Variants in MED13L observed in about 807,000 individuals in gnomAD.
MED13L encodes the protein mediator complex subunit 13L, also known as mediator of RNA polymerase II transcription subunit 13-like.
MED13L carries 7 observed loss-of-function variants against 220.9 expected under a neutral mutation model. The ratio of observed to expected loss-of-function variants is 0.03; its 90% CI spans 0.02 to 0.06. MED13L has a LOEUF of 0.06. Ranked by LOEUF, MED13L falls within the 10% of genes least tolerant of loss-of-function variation. The pLI is 1.00. For missense variants in MED13L, 1,965 were observed against 2,760.5 expected, an observed-to-expected ratio of 0.71 and a Z score of 6.46; for synonymous variants, 1,011 against 1,015.2, an observed-to-expected ratio of 1.00 and a Z score of 0.08.
rs1413067217 is a variant in MED13L, at chr12:116,008,466, T to C, written c.1947A>G (p.Pro649=). The part of the protein sequence containing the change: ...PPSDDAEFRP[P]ELQGERCDAK... Reference sequence around the variant, plus strand: ...CATCACATCTCTCACCCTGGAGCTCTGGAGGCCTGAACTCAGCATCATCAC... The same window carrying C: ...CATCACATCTCTCACCCTGGAGCTCCGGAGGCCTGAACTCAGCATCATCAC... The change falls in exon 10 of 31, where the codon CCA becomes CCG. Residue 649 remains proline, a synonymous_variant. Coordinates refer to ENST00000281928, the MANE Select transcript of MED13L (RefSeq NM_015335.5). 1 of 1,613,460 alleles carries C rather than the reference T, an allele frequency of 6.2e-7. No individual in the cohort carries two copies. Among genetic ancestry groups the C allele is most frequent in the Admixed American group, 1.7e-5 (1 of 60,010 alleles).
chr12:116,179,206 T>C (rs989155962), intron 2 of MED13L, among the ~76,000 whole-genome samples: 8 of 56,390 alleles, frequency 1.4e-4, no homozygotes, highest in African/African-American at 4.3e-4. Context: ...ACGATTTACG[T>C]GTGTGTGTGT....
rs1879640818 is a variant in MED13L at position 116,015,050 on chromosome 12, G to T, written c.1175+59C>A. On this transcript the variant is annotated intron_variant, in intron 8 of 30. Transcript: ENST00000281928. The stretch of plus-strand genomic sequence containing the variant: ...AGTGCAATGTGATTGACATTTTCCA[G>T]GTAGCAATCAAGGAGATGGTTACTA... 5.3e-6 allele frequency: 8 copies of T among 1,515,456 alleles called. No individual in the cohort carries two copies. The South Asian group carries it at 9.0e-5, about 17-fold the overall frequency. 93.9% of individuals were successfully genotyped at this position (1,515,456 alleles called of 1,614,324 possible).
At chr12:116,205,533 A>AAAAAAAAAAAAAAAAG in intron 2 of MED13L, among the ~76,000 whole-genome samples, 1 of 45,348 alleles carries the variant, frequency 2.2e-5, no homozygotes, top group Admixed American at 1.9e-4. Flanking sequence ...AAAGGAAGAG[A>AAAAAAAAAAAAAAAAG]AAAAAAAAAA....
intron 3 of MED13L, among the ~76,000 whole-genome samples, chr12:116,107,872 A>G (rs1307649432): frequency 6.6e-6 from 1 of 152,162 alleles, no homozygotes; most frequent in East Asian, 1.9e-4. Context: ...CGGGTGGATC[A>G]CGAGGTCAGG....
At chr12:116,001,492 A>G (rs1481920343) in intron 14 of MED13L, among the ~76,000 whole-genome samples, 1 of 152,156 alleles carries the variant, frequency 6.6e-6, no homozygotes, top group Non-Finnish European at 1.5e-5. Flanking sequence ...ATTAACTTTT[A>G]TAATACATTT....
intron 2 of MED13L, among the ~76,000 whole-genome samples, chr12:116,150,878 C>A (rs1324364771): frequency 6.6e-6 from 1 of 152,080 alleles, no homozygotes; most frequent in East Asian, 1.9e-4. Context: ...TAAGTTTCTT[C>A]TTTTGTAAAT....
intron 2 of MED13L, among the ~76,000 whole-genome samples, chr12:116,172,524 A>C (rs544932710): frequency 1.8e-3 from 270 of 152,302 alleles, no homozygotes; most frequent in Non-Finnish European, 2.9e-3. Flanking sequence ...AGTATATTTT[A>C]TACAGTTTAA....
chr12:116,076,376 T>C (rs1434222320), intron 4 of MED13L, among the ~76,000 whole-genome samples: 1 of 151,920 alleles, frequency 6.6e-6, no homozygotes, highest in African/African-American at 2.4e-5. Context: ...ATCTCTACAA[T>C]AAATACACAA....
chr12:116,061,325 T>A (rs1408307151), intron 4 of MED13L, among the ~76,000 whole-genome samples: 1 of 152,192 alleles, frequency 6.6e-6, no homozygotes, highest in Admixed American at 6.5e-5. Flanking sequence ...ACAAATAATA[T>A]GTATCTTTTA....
intron 4 of MED13L, among the ~76,000 whole-genome samples, chr12:116,049,731 G>C (rs1317667396): frequency 6.6e-6 from 1 of 152,136 alleles, no homozygotes; most frequent in African/African-American, 2.4e-5. Flanking sequence ...ATTTAGGAAG[G>C]TGGACAAACT....
At chr12:116,149,235 A>G (rs2138084151) in intron 2 of MED13L, among the ~76,000 whole-genome samples, 1 of 152,272 alleles carries the variant, frequency 6.6e-6, no homozygotes, top group African/African-American at 2.4e-5. Flanking sequence ...TTATGTTTAT[A>G]TTCTAGAACT....
chr12:116,093,638 A>G (rs1257394604), intron 4 of MED13L, among the ~76,000 whole-genome samples: 1 of 152,022 alleles, frequency 6.6e-6, no homozygotes, highest in Non-Finnish European at 1.5e-5. Flanking sequence ...GAAATTAGTA[A>G]TACTAATAAT....
chr12:116,246,633 C>A lies in MED13L; in HGVS notation c.73-8928G>T, dbSNP rs1444359685. Among the ~76,000 whole-genome samples the A allele has an allele frequency of 4.7e-5, 7 of 147,770 alleles. No homozygotes were observed. In the Admixed American group the frequency reaches 4.8e-4, roughly 10 times the overall value. On this transcript the variant is annotated intron_variant, in intron 1 of 30. Transcript: ENST00000281928. ...GACCAGCCTGGGCAAGACAGCAAGA[C>A]CTTGTCTCTATATACAGACTGACAG...
At chr12:116,248,579 A>G (rs961762703) in intron 1 of MED13L, among the ~76,000 whole-genome samples, 3 of 152,240 alleles carry the variant, frequency 2.0e-5, no homozygotes, top group African/African-American at 7.2e-5. Context: ...ATTTCAGTCA[A>G]CTAACTCAAG....
intron 4 of MED13L, among the ~76,000 whole-genome samples, chr12:116,044,396 C>T (rs943362193): frequency 5.3e-5 from 8 of 152,132 alleles, no homozygotes; most frequent in African/African-American, 9.7e-5. Context: ...CGAAAGAAAG[C>T]GCAAGTGAAT....
intron 4 of MED13L, among the ~76,000 whole-genome samples, chr12:116,032,239 C>T (rs1228980985): frequency 6.6e-6 from 1 of 151,980 alleles, no homozygotes; most frequent in Non-Finnish European, 1.5e-5. Context: ...AATCAATAGC[C>T]CAAGTTTTTG....
chr12:116,123,419 A>C (rs1178566760), intron 2 of MED13L, among the ~76,000 whole-genome samples: 1 of 152,216 alleles, frequency 6.6e-6, no homozygotes, highest in African/African-American at 2.4e-5. Context: ...CATTGCTACA[A>C]ATAAACATTT....
At chr12:116,124,144 G>GAGAC (rs1555213738) in intron 2 of MED13L, among the ~76,000 whole-genome samples, 1 of 149,746 alleles carries the variant, frequency 6.7e-6, no homozygotes, top group East Asian at 2.1e-4. Context: ...GAGAGAGAGA[G>GAGAC]AGAGAGACAG....
At chr12:115,981,732 C>T (rs1357247661) in intron 22 of MED13L, 2 of 152,262 alleles carry the variant, frequency 1.3e-5, no homozygotes, top group African/African-American at 4.8e-5. Flanking sequence ...AATATGCAGT[C>T]ATTAAAAATG....
Sources: allele counts gnomAD v4.1 joint callset (sites outside exome capture counted in the v4.1 genomes callset), GRCh38; gene constraint gnomAD v4.1.1; transcripts MANE v1.5; gene names NCBI Gene and HGNC (gene_info 2026-07-23, HGNC 2026-07-21).